ANKRD30A: variants seen among roughly 807,000 people sequenced by gnomAD.
The protein encoded by ANKRD30A is ankyrin repeat domain-containing protein 30A.
Under a neutral mutation model 166.3 loss-of-function variants are expected in ANKRD30A, and 170 were observed. That is an observed-to-expected ratio of 1.02 (90% CI 0.90 to 1.16). The LOEUF (loss-of-function observed/expected upper bound fraction) is 1.16. Among genes scored for constraint, ANKRD30A ranks in the 50% most tolerant of loss-of-function variants. The pLI is 0.00. For synonymous variants in ANKRD30A, 564 were observed against 508.9 expected (o/e 1.11, Z -1.46); for missense variants, 1,630 against 1,518.0 (o/e 1.07, Z -1.23).
At chr10:37,162,982 T>A in intron 17 of ANKRD30A, 134 bp downstream of exon 17, 1 of 1,175,046 alleles carries the variant, frequency 8.5e-7, no homozygotes, top group Admixed American at 2.8e-5. Flanking sequence ...AATACTGGTA[T>A]TGATGTTTGA....
intron 21 of ANKRD30A, among the ~76,000 whole-genome samples, chr10:37,172,331 A>T (rs1451953461): frequency 8.1e-6 from 1 of 122,884 alleles, no homozygotes; most frequent in East Asian, 2.1e-4. Flanking sequence ...AGTTGGATAG[A>T]AGGTCAAGAC....
chr10:37,146,642 TAGTCAGACTCGC>T (rs796076507), intron 8 of ANKRD30A, among the ~76,000 whole-genome samples: 18 of 152,312 alleles, frequency 1.2e-4, no homozygotes, highest in African/African-American at 3.8e-4. Flanking sequence ...CCTGATCAGC[TAGTCAGACTCGC>T]ATTTATTCAG....
intron 6 of ANKRD30A, among the ~76,000 whole-genome samples, chr10:37,139,278 G>A (rs1836937858): frequency 6.6e-6 from 1 of 152,202 alleles, no homozygotes; most frequent in African/African-American, 2.4e-5. Context: ...TGAAAGAGCA[G>A]CAAGGATTCC....
intron 6 of ANKRD30A, among the ~76,000 whole-genome samples, chr10:37,138,511 C>T (rs889007120): frequency 4.6e-5 from 7 of 152,174 alleles, no homozygotes; most frequent in East Asian, 1.9e-4. Flanking sequence ...ACTAGAATAA[C>T]CAATGCAGAG....
chr10:37,246,860 T>C, the ANKRD30A span, among the ~76,000 whole-genome samples: 1 of 152,194 alleles, frequency 6.6e-6, no homozygotes, highest in African/African-American at 2.4e-5. Flanking sequence ...CAATAGCACC[T>C]CATCATCATA....
chr10:37,135,462 G>A (rs1444476089), intron 5 of ANKRD30A: 1 of 152,214 alleles, frequency 6.6e-6, no homozygotes, highest in Non-Finnish European at 1.5e-5. Context: ...AAATATTTAT[G>A]TAAGGTGATG....
intron 27 of ANKRD30A, among the ~76,000 whole-genome samples, chr10:37,196,925 G>C (rs889803224): frequency 8.5e-5 from 13 of 152,156 alleles, no homozygotes; most frequent in Admixed American, 7.2e-4. Flanking sequence ...CTATGTTAAA[G>C]AACAGGATGA....
Position 37,207,911 on chromosome 10 carries a change from A to G in ANKRD30A, c.2869+6586A>G, listed in dbSNP as rs1253365027. On this transcript the variant is annotated intron_variant, in intron 31 of 35. Transcript: ENST00000361713. ...TATCCTGGAAAACAAACTATGTCAT[A>G]AAGTTTGCTGAGTCAATTAAAGAAA... 2.0e-5 allele frequency among the ~76,000 whole-genome samples: 3 copies of G among 152,290 alleles called. No homozygotes were observed. In the East Asian group the frequency reaches 5.8e-4, roughly 29 times the overall value.
At chr10:37,147,609 G>T (rs1467914310) in intron 9 of ANKRD30A, 152 bp downstream of exon 9, 2 of 497,140 alleles carry the variant, frequency 4.0e-6, no homozygotes, top group African/African-American at 4.0e-5. Flanking sequence ...TATCTTTTCA[G>T]GTGTTGGCAA....
At chr10:37,196,329 G>C (rs1488158754) in intron 27 of ANKRD30A, among the ~76,000 whole-genome samples, 4 of 151,908 alleles carry the variant, frequency 2.6e-5, no homozygotes, top group Non-Finnish European at 5.9e-5. Context: ...AGGTTTTTCT[G>C]TTACAATGAG....
downstream of ANKRD30A, among the ~76,000 whole-genome samples, chr10:37,236,086 G>A (rs746824906): frequency 6.6e-6 from 1 of 152,010 alleles, no homozygotes; most frequent in Non-Finnish European, 1.5e-5. Context: ...GTTTCTTCCA[G>A]CCCTTCCTAT....
the ANKRD30A span, among the ~76,000 whole-genome samples, chr10:37,247,715 CAA>C: frequency 8.3e-3 from 1,104 of 133,444 alleles, 14 homozygotes; most frequent in South Asian, 0.023. Context: ...ACTAAAAATA[CAA>C]AAAAAAAAAA....
rs1246055831 is a variant in ANKRD30A, at chr10:37,232,550, A to T, written c.*263A>T. The stretch of plus-strand genomic sequence containing the variant: ...CATCTACCCTGATGATGCAGCAGAC[A>T]TCATTCAATCCAACCAGGTGATTTT... On this transcript the variant is annotated 3_prime_UTR_variant, in exon 36 of 36. Transcript: ENST00000361713. The T allele has an allele frequency of 6.7e-6, 1 of 149,354 alleles. No individual in the cohort carries two copies. The highest frequency in any genetic ancestry group is 1.5e-5 in the Non-Finnish European group (1 of 67,314). The allele number at this position is 149,354 out of a possible 1,614,324, so 9.3% of individuals were successfully genotyped here.
intron 30 of ANKRD30A, among the ~76,000 whole-genome samples, chr10:37,200,105 T>C (rs985768331): frequency 2.0e-5 from 3 of 152,066 alleles, no homozygotes; most frequent in Non-Finnish European, 4.4e-5. Flanking sequence ...TGAGTCCAGC[T>C]CTGGGCAAAT....
At chr10:37,261,505 T>C in the ANKRD30A span, among the ~76,000 whole-genome samples, 4 of 152,144 alleles carry the variant, frequency 2.6e-5, no homozygotes, top group African/African-American at 9.6e-5. Flanking sequence ...AATGAACACT[T>C]GAAAAAAGGT....
chr10:37,171,253 C>A (rs1226736040), intron 21 of ANKRD30A, among the ~76,000 whole-genome samples: 11 of 139,254 alleles, frequency 7.9e-5, no homozygotes, highest in Admixed American at 1.4e-4. Flanking sequence ...CTCTAAAACA[C>A]ATTTAATTAG....
the ANKRD30A span, among the ~76,000 whole-genome samples, chr10:37,246,254 C>A: frequency 6.6e-5 from 10 of 152,202 alleles, no homozygotes; most frequent in Non-Finnish European, 1.5e-4. Context: ...TATTTTGCAT[C>A]TATTGAGATG....
At chr10:37,172,417 G>C (rs1455286281) in intron 21 of ANKRD30A, among the ~76,000 whole-genome samples, 3 of 120,096 alleles carry the variant, frequency 2.5e-5, no homozygotes, top group African/African-American at 9.9e-5. Context: ...AGAAGAAAAA[G>C]ATAAACAGAA....
At chr10:37,201,194 AT>A (rs774617870) in intron 30 of ANKRD30A, 40 bp from the exon 31 acceptor site, 3 of 1,415,734 alleles carry the variant, frequency 2.1e-6, no homozygotes, top group East Asian at 5.0e-5. Context: ...CATTATTAGG[AT>A]TTTTCCATTG....
Sources: allele counts gnomAD v4.1 joint callset (sites outside exome capture counted in the v4.1 genomes callset), GRCh38; gene constraint gnomAD v4.1.1; transcripts MANE v1.5; gene names NCBI Gene and HGNC (gene_info 2026-07-23, HGNC 2026-07-21).